The following LRP1B variants were observed in gnomAD, a reference collection of about 807,000 sequenced individuals.
The protein encoded by LRP1B is LDL receptor related protein 1B, also known as low-density lipoprotein receptor-related protein 1B.
LRP1B carries 217 observed loss-of-function variants against 556.6 expected under a neutral mutation model. The ratio of observed to expected loss-of-function variants is 0.39; its 90% CI spans 0.35 to 0.44. The LOEUF (loss-of-function observed/expected upper bound fraction) is 0.44. LRP1B is among the 20% of genes least tolerant of loss of function. LRP1B has a pLI of 1.00. For missense variants in LRP1B, 5,053 were observed against 5,620.8 expected (o/e 0.90, Z 3.23); for synonymous variants, 2,047 against 1,865.8 (o/e 1.10, Z -2.50).
At chr2:141,916,581 A>G (rs1574490323) in intron 1 of LRP1B, among the ~76,000 whole-genome samples, 1 of 140,482 alleles carries the variant, frequency 7.1e-6, no homozygotes. Flanking sequence ...ATGGGGTTTC[A>G]CTGTGTTGGC....
At chr2:142,003,672 A>G (rs909496821) in intron 1 of LRP1B, among the ~76,000 whole-genome samples, 5 of 152,206 alleles carry the variant, frequency 3.3e-5, no homozygotes, top group African/African-American at 1.2e-4. Context: ...GGTGGAATGG[A>G]AGAACGAGGG....
At chr2:140,902,861 AT>A in intron 23 of LRP1B, 58 bp downstream of exon 23, 2 of 1,558,790 alleles carry the variant, frequency 1.3e-6, no homozygotes, top group Non-Finnish European at 8.7e-7. Flanking sequence ...CAGTTTTGGG[AT>A]TTGTTTCTTT....
chr2:142,099,891 T>C (rs1706510680), intron 1 of LRP1B, among the ~76,000 whole-genome samples: 1 of 151,896 alleles, frequency 6.6e-6, no homozygotes, highest in African/African-American at 2.4e-5. Context: ...GATTGGAAAG[T>C]TTCTATGGCA....
chr2:141,788,254 T>C (rs950278989), intron 2 of LRP1B, among the ~76,000 whole-genome samples: 2 of 152,008 alleles, frequency 1.3e-5, no homozygotes, highest in Non-Finnish European at 2.9e-5. Context: ...GAAAACCTTC[T>C]TGGAATTGTT....
chr2:142,008,819 G>A (rs930816957), intron 1 of LRP1B, among the ~76,000 whole-genome samples: 2 of 151,818 alleles, frequency 1.3e-5, no homozygotes, highest in African/African-American at 2.4e-5. Context: ...TAAAGCTCCT[G>A]GTATATAGTT....
intron 1 of LRP1B, among the ~76,000 whole-genome samples, chr2:141,986,656 A>G (rs1702194547): frequency 6.6e-6 from 1 of 151,986 alleles, no homozygotes. Context: ...GAGTTAACAG[A>G]TATTTCTAAA....
intron 2 of LRP1B, among the ~76,000 whole-genome samples, chr2:141,496,215 G>A (rs979538280): frequency 3.3e-5 from 5 of 151,472 alleles, no homozygotes; most frequent in African/African-American, 1.2e-4. Context: ...TCCTGAATTT[G>A]TATGTATGTG....
At chr2:140,699,415 T>C (rs10207124) in intron 41 of LRP1B, among the ~76,000 whole-genome samples, 36,907 of 151,820 alleles carry the variant, frequency 0.24, 5,660 homozygotes, top group African/African-American at 0.43. Context: ...GGTAAGTAAA[T>C]AGGACTGATG....
intron 3 of LRP1B, among the ~76,000 whole-genome samples, chr2:141,418,145 C>A (rs1679984620): frequency 6.6e-6 from 1 of 151,996 alleles, no homozygotes; most frequent in Non-Finnish European, 1.5e-5. Context: ...GGACATTAAC[C>A]CTTTATCAGA....
intron 79 of LRP1B, among the ~76,000 whole-genome samples, chr2:140,333,250 T>C (rs1680903856): frequency 6.6e-6 from 1 of 152,098 alleles, no homozygotes; most frequent in Non-Finnish European, 1.5e-5. Context: ...ATAACTTCTC[T>C]GATCATAACT....
chr2:140,823,989 T>C (rs539988354), intron 31 of LRP1B, among the ~76,000 whole-genome samples: 1 of 151,932 alleles, frequency 6.6e-6, no homozygotes, highest in South Asian at 2.1e-4. Context: ...AGCTATTAAG[T>C]ACTAGGTTTA....
chr2:141,980,323 C>T (rs961578986), intron 1 of LRP1B, among the ~76,000 whole-genome samples: 1 of 152,004 alleles, frequency 6.6e-6, no homozygotes, highest in African/African-American at 2.4e-5. Flanking sequence ...ATGCAGTTCC[C>T]CAATGCTACA....
intron 18 of LRP1B, among the ~76,000 whole-genome samples, chr2:140,978,879 G>C (rs77979162): frequency 0.023 from 3,533 of 152,266 alleles, 68 homozygotes; most frequent in Non-Finnish European, 0.032. Context: ...GTAAAATCTG[G>C]CTATATTTCA....
chr2:140,907,821 T>C (rs1694300385), intron 22 of LRP1B, 56 bp downstream of exon 22: 2 of 1,456,674 alleles, frequency 1.4e-6, no homozygotes, highest in African/African-American at 1.4e-5. Context: ...TAACAGCAAC[T>C]GAACTAAAAG....
chr2:141,215,310 T>C (rs1682753052), intron 6 of LRP1B, among the ~76,000 whole-genome samples: 1 of 152,214 alleles, frequency 6.6e-6, no homozygotes, highest in South Asian at 2.1e-4. Flanking sequence ...TGCAGAACCA[T>C]GAGCAAATTA....
chr2:141,314,280 T>G (rs1686916178), intron 3 of LRP1B, among the ~76,000 whole-genome samples: 1 of 152,198 alleles, frequency 6.6e-6, no homozygotes, highest in South Asian at 2.1e-4. Context: ...GATATTGTTT[T>G]TATAGATCTC....
At chr2:141,890,735 C>T (rs530784588) in intron 1 of LRP1B, among the ~76,000 whole-genome samples, 1 of 152,038 alleles carries the variant, frequency 6.6e-6, no homozygotes, top group East Asian at 1.9e-4. Flanking sequence ...TCATATTGAC[C>T]TTCTAAGTAT....
At chr2:140,272,490 C>T (rs1283896052) in intron 85 of LRP1B, among the ~76,000 whole-genome samples, 1 of 151,952 alleles carries the variant, frequency 6.6e-6, no homozygotes, top group African/African-American at 2.4e-5. Flanking sequence ...AGATTATACT[C>T]ACTGTACTTG....
chr2:141,958,498 G>C (rs545160996), intron 1 of LRP1B, among the ~76,000 whole-genome samples: 2 of 152,078 alleles, frequency 1.3e-5, no homozygotes, highest in African/African-American at 4.8e-5. Flanking sequence ...AAAGGAAAAA[G>C]AGTGGACTTG....
Sources: gnomAD v4.1 joint callset for allele counts (sites outside exome capture counted in the v4.1 genomes callset) on GRCh38, gnomAD v4.1.1 for gene constraint, MANE v1.5 for transcripts, NCBI Gene and HGNC (gene_info 2026-07-23, HGNC 2026-07-21) for gene names.